KLHL32: variants seen among roughly 807,000 people sequenced by gnomAD.
The protein encoded by KLHL32 is kelch-like protein 32.
A neutral mutation model predicts 64.8 loss-of-function variants in KLHL32; 35 were observed. The ratio of observed to expected loss-of-function variants is 0.54; its 90% CI spans 0.41 to 0.72. The LOEUF (loss-of-function observed/expected upper bound fraction) is 0.72, where lower values mean the gene tolerates loss of function less well. Ranked by LOEUF, KLHL32 falls within the 30% of genes least tolerant of loss-of-function variation. KLHL32 has a pLI of 0.00. For missense variants in KLHL32, 589 were observed against 768.5 expected (o/e 0.77, Z 2.76); for synonymous variants, 259 against 281.0 (o/e 0.92, Z 0.78).
chr6:96,934,882 G>A (rs1423929909), intron 1 of KLHL32, among the ~76,000 whole-genome samples: 2 of 152,176 alleles, frequency 1.3e-5, no homozygotes, highest in Non-Finnish European at 2.9e-5. Flanking sequence ...GTAGTGAACT[G>A]CTGCAGGATA....
At chr6:97,024,352 T>TG (rs1317363933) in intron 3 of KLHL32, among the ~76,000 whole-genome samples, 1 of 151,688 alleles carries the variant, frequency 6.6e-6, no homozygotes, top group Non-Finnish European at 1.5e-5. Context: ...TGATGTACTG[T>TG]GGGACAGGAC....
At chr6:96,930,224 C>T (rs1457314652) in intron 1 of KLHL32, among the ~76,000 whole-genome samples, 1 of 152,192 alleles carries the variant, frequency 6.6e-6, no homozygotes, top group African/African-American at 2.4e-5. Context: ...TTTTATGACA[C>T]AAATTCTGAT....
At chr6:96,965,294 TC>T (rs1774333820) in intron 1 of KLHL32, among the ~76,000 whole-genome samples, 1 of 152,206 alleles carries the variant, frequency 6.6e-6, no homozygotes, top group South Asian at 2.1e-4. Context: ...TGGTGTCCAT[TC>T]CCCTAAGCTT....
At chr6:97,054,512 C>T (rs1285300794) in intron 4 of KLHL32, among the ~76,000 whole-genome samples, 1 of 152,108 alleles carries the variant, frequency 6.6e-6, no homozygotes, top group Admixed American at 6.5e-5. Context: ...AATGGATTAG[C>T]AGGGATCTGA....
intron 5 of KLHL32, among the ~76,000 whole-genome samples, 166 bp downstream of exon 5, chr6:97,064,892 G>A (rs370442801): frequency 2.6e-5 from 4 of 152,112 alleles, no homozygotes; most frequent in Admixed American, 6.5e-5. Flanking sequence ...CTAGGAGGGC[G>A]GCTGCAGCTC....
In KLHL32 at chr6:97,139,691, G is replaced by A. The variant is rs116100184; in HGVS notation, c.*409G>A. On this transcript the variant is annotated 3_prime_UTR_variant, in exon 11 of 11. Transcript: ENST00000369261. ...CTTAATCCCTTTATTATTTAAAGCC[G>A]GGCTTGTAATTTTTCTTTTTAAAAT... 1,517 of 154,106 alleles carry A rather than the reference G, an allele frequency of 9.8e-3. 25 individuals carry two copies. The highest frequency in any genetic ancestry group is 0.035 in the African/African-American group (1,449 of 41,568). The allele number at this position is 154,106 out of a possible 1,614,324, so 9.5% of individuals were successfully genotyped here. A position where few individuals can be genotyped will look rare whatever the true frequency, so the allele number is the denominator to read the frequency against.
At chr6:96,955,147 C>T in intron 1 of KLHL32, among the ~76,000 whole-genome samples, 1 of 152,174 alleles carries the variant, frequency 6.6e-6, no homozygotes, top group East Asian at 1.9e-4. Context: ...CCCAAAGGCT[C>T]CACCTCCCAG....
At chr6:97,111,039 G>A (rs911318297) in intron 6 of KLHL32, among the ~76,000 whole-genome samples, 9 of 151,094 alleles carry the variant, frequency 6.0e-5, no homozygotes, top group South Asian at 2.1e-4. Flanking sequence ...TTGGGGGGGG[G>A]GGGTCTTAGC....
chr6:96,912,427 C>G, the KLHL32 span, among the ~76,000 whole-genome samples: 26,688 of 152,042 alleles, frequency 0.18, 2,407 homozygotes, highest in East Asian at 0.31. Context: ...CAATAAGTTT[C>G]CTCTTTTCCT....
intron 1 of KLHL32, among the ~76,000 whole-genome samples, chr6:96,946,800 T>C (rs1771972669): frequency 6.6e-6 from 1 of 152,136 alleles, no homozygotes; most frequent in Non-Finnish European, 1.5e-5. Flanking sequence ...TTCCTCTGGA[T>C]TGGCTGATTG....
At chr6:96,939,571 G>A (rs1444547620) in intron 1 of KLHL32, among the ~76,000 whole-genome samples, 3 of 152,200 alleles carry the variant, frequency 2.0e-5, no homozygotes, top group African/African-American at 7.2e-5. Context: ...TGAGGCATCA[G>A]TGAGGCAAAA....
intron 3 of KLHL32, among the ~76,000 whole-genome samples, chr6:97,035,325 T>C (rs1276946560): frequency 6.6e-6 from 1 of 152,150 alleles, no homozygotes; most frequent in Non-Finnish European, 1.5e-5. Context: ...CAACAAATTT[T>C]GGTCTTTTAT....
chr6:96,988,950 G>A (rs1001753123), intron 3 of KLHL32, among the ~76,000 whole-genome samples: 1 of 151,450 alleles, frequency 6.6e-6, no homozygotes, highest in African/African-American at 2.4e-5. Flanking sequence ...ACTGGGGCCT[G>A]TTGTGGGGTT....
intron 5 of KLHL32, among the ~76,000 whole-genome samples, chr6:97,083,182 G>A (rs774569144): frequency 2.6e-5 from 4 of 152,096 alleles, no homozygotes; most frequent in Non-Finnish European, 5.9e-5. Flanking sequence ...ATGAGGTCAG[G>A]AGTTCAAGAC....
At chr6:97,067,173 G>A (rs746286451) in intron 5 of KLHL32, among the ~76,000 whole-genome samples, 3 of 152,198 alleles carry the variant, frequency 2.0e-5, no homozygotes, top group South Asian at 4.1e-4. Context: ...AGCTCCCTGA[G>A]CCTCACCATC....
chr6:97,041,902 T>C (rs1264731709), intron 4 of KLHL32, among the ~76,000 whole-genome samples: 1 of 152,088 alleles, frequency 6.6e-6, no homozygotes, highest in Non-Finnish European at 1.5e-5. Context: ...TGGATTCTCA[T>C]TGTTATCACT....
chr6:96,898,246 G>A, the KLHL32 span, among the ~76,000 whole-genome samples: 2 of 152,226 alleles, frequency 1.3e-5, no homozygotes, highest in African/African-American at 4.8e-5. Context: ...AAAGTCGTAA[G>A]GAAGTTGACC....
intron 4 of KLHL32, among the ~76,000 whole-genome samples, chr6:97,042,301 GAC>G (rs1032402901): frequency 2.0e-5 from 3 of 152,150 alleles, no homozygotes; most frequent in Non-Finnish European, 2.9e-5. Flanking sequence ...GTAAGAGAAA[GAC>G]AGGCAAATAC....
At position 96,980,823 on chromosome 6, in the gene KLHL32, G is replaced by A. The variant is rs113088716; in HGVS notation, c.204+4646G>A. 2.9e-3 allele frequency among the ~76,000 whole-genome samples: 448 copies of A among 152,156 alleles called. 6 individuals are homozygous for A. The highest frequency in any genetic ancestry group is 0.01 in the African/African-American group (434 of 41,506). On this transcript the variant is annotated intron_variant, in intron 3 of 10. Transcript: ENST00000369261. ...TTCAGGTTAATAGGTATATTAGTCC[G>A]TTCTCATGCTGCTAATAAAGACATA...
Sources: allele counts gnomAD v4.1 joint callset (sites outside exome capture counted in the v4.1 genomes callset), GRCh38; gene constraint gnomAD v4.1.1; transcripts MANE v1.5; gene names NCBI Gene and HGNC (gene_info 2026-07-23, HGNC 2026-07-21).